NEXMIF: variants seen among roughly 807,000 people sequenced by gnomAD.
NEXMIF encodes the protein XLMR protein related to neurite extension.
Under a neutral mutation model 62.1 loss-of-function variants are expected in NEXMIF, and 8 were observed. The observed-to-expected ratio is 0.13, with a 90% CI of 0.08 to 0.23. The LOEUF is 0.23. NEXMIF is among the 10% of genes least tolerant of loss of function. The pLI is 1.00. For missense variants in NEXMIF, 976 were observed against 1,113.3 expected, an observed-to-expected ratio of 0.88 and a Z score of 1.75; for synonymous variants, 404 against 416.6, an observed-to-expected ratio of 0.97 and a Z score of 0.37.
chrX:74,759,544 C>G (rs1236568276), intron 1 of NEXMIF, among the ~76,000 whole-genome samples: 1 of 112,029 alleles, frequency 8.9e-6, no homozygotes, highest in Non-Finnish European at 1.9e-5. Context: ...GTCTTTAATT[C>G]ATCTTCAGTT....
At chrX:74,857,082 G>T (rs374949369) in intron 1 of NEXMIF, among the ~76,000 whole-genome samples, 1 of 111,932 alleles carries the variant, frequency 8.9e-6, no homozygotes, top group Non-Finnish European at 1.9e-5. Flanking sequence ...TTTGAAAGGC[G>T]GTCTAGGACA....
intron 1 of NEXMIF, among the ~76,000 whole-genome samples, chrX:74,912,426 T>C (rs2072548516): frequency 8.9e-6 from 1 of 112,044 alleles, no homozygotes; most frequent in Non-Finnish European, 1.9e-5. Flanking sequence ...ACTTTCCCTC[T>C]ACTCAAATAG....
chrX:74,819,908 T>C (rs1467985863), intron 1 of NEXMIF, among the ~76,000 whole-genome samples: 2 of 111,893 alleles, frequency 1.8e-5, no homozygotes, highest in Admixed American at 1.9e-4. Flanking sequence ...TGCGGCACTG[T>C]TCACAATAGC....
chrX:74,827,744 C>A (rs1396765604), intron 1 of NEXMIF, among the ~76,000 whole-genome samples: 1 of 111,608 alleles, frequency 9.0e-6, no homozygotes, highest in African/African-American at 3.3e-5. Context: ...TAAACATGAA[C>A]TTGAAGTTGG....
At chrX:74,752,704 C>T (rs927934327) in intron 1 of NEXMIF, among the ~76,000 whole-genome samples, 1 of 111,669 alleles carries the variant, frequency 9.0e-6, no homozygotes, top group Non-Finnish European at 1.9e-5. Context: ...AATAGCCAGC[C>T]TCCTCACTAG....
chrX:74,863,232 C>G (rs1376223969), intron 1 of NEXMIF, among the ~76,000 whole-genome samples: 1 of 108,206 alleles, frequency 9.2e-6, no homozygotes, highest in Non-Finnish European at 1.9e-5. Context: ...ACTAGAGAAC[C>G]AAGAGCAAAC....
At chrX:74,865,913 C>T (rs2080577318) in intron 1 of NEXMIF, among the ~76,000 whole-genome samples, 1 of 111,627 alleles carries the variant, frequency 9.0e-6, no homozygotes, top group Non-Finnish European at 1.9e-5. Context: ...CAGAAGTTTG[C>T]TGCCGGGGTG....
intron 1 of NEXMIF, among the ~76,000 whole-genome samples, chrX:74,776,742 A>AAAC (rs2080229860): frequency 1.8e-5 from 2 of 108,469 alleles, no homozygotes; most frequent in Admixed American, 2.0e-4. Context: ...AAAAAAAAAA[A>AAAC]AAACAAACAA....
chrX:74,745,425 A>G (rs1057153473), intron 2 of NEXMIF, 147 bp downstream of exon 2: 18 of 459,962 alleles, frequency 3.9e-5, no homozygotes, highest in Non-Finnish European at 6.5e-5. Context: ...CAAGTTAGAT[A>G]TTTGGTGGAA....
intron 1 of NEXMIF, among the ~76,000 whole-genome samples, chrX:74,869,694 TAAAG>T (rs754228924): frequency 1.3e-4 from 14 of 111,554 alleles, no homozygotes; most frequent in African/African-American, 4.2e-4. Context: ...GAAAATGAAA[TAAAG>T]AAAATAATTC....
At chrX:74,818,007 A>G (rs2080381436) in intron 1 of NEXMIF, among the ~76,000 whole-genome samples, 2 of 111,449 alleles carry the variant, frequency 1.8e-5, no homozygotes. Flanking sequence ...AGAAGACTCA[A>G]TAATGTTAAA....
intron 1 of NEXMIF, among the ~76,000 whole-genome samples, chrX:74,794,737 T>A (rs764620996): frequency 2.7e-5 from 3 of 111,654 alleles, no homozygotes; most frequent in South Asian, 7.6e-4. Context: ...TGGCCCGATT[T>A]TCCAGGTGCC....
intron 1 of NEXMIF, among the ~76,000 whole-genome samples, chrX:74,898,937 T>A (rs905857663): frequency 1.8e-5 from 2 of 111,467 alleles, no homozygotes; most frequent in African/African-American, 6.5e-5. Flanking sequence ...GAAAGACTTG[T>A]ACACAGAAAA....
chrX:74,919,417 C>T (rs1249142683), intron 1 of NEXMIF, among the ~76,000 whole-genome samples: 2 of 111,022 alleles, frequency 1.8e-5, no homozygotes, highest in Non-Finnish European at 3.8e-5. Context: ...AATCACCTCC[C>T]CAAATTGAGA....
chrX:74,884,730 A>C (rs1298135357), intron 1 of NEXMIF, among the ~76,000 whole-genome samples: 1 of 111,710 alleles, frequency 9.0e-6, no homozygotes, highest in Non-Finnish European at 1.9e-5. Context: ...AACATTAGAC[A>C]AATCAATGTG....
chrX:74,746,321 A>T (rs760623958), intron 1 of NEXMIF, among the ~76,000 whole-genome samples: 4 of 112,181 alleles, frequency 3.6e-5, no homozygotes, highest in South Asian at 3.7e-4. Context: ...GCAAATTTTT[A>T]AAAAATGTGA....
At chrX:74,779,394 C>T (rs1395542671) in intron 1 of NEXMIF, among the ~76,000 whole-genome samples, 4 of 111,970 alleles carry the variant, frequency 3.6e-5, no homozygotes, top group Middle Eastern at 4.6e-3. Flanking sequence ...CTAATTCACC[C>T]TGCATGCTGC....
intron 1 of NEXMIF, among the ~76,000 whole-genome samples, chrX:74,853,847 T>C (rs952373158): frequency 9.0e-6 from 1 of 111,032 alleles, no homozygotes; most frequent in South Asian, 3.7e-4. Context: ...AAAAAATAAA[T>C]TCCTGGACCC....
chrX:74,795,543 G>A (rs759750683), intron 1 of NEXMIF, among the ~76,000 whole-genome samples: 4 of 111,726 alleles, frequency 3.6e-5, no homozygotes, highest in Non-Finnish European at 7.5e-5. Context: ...TGGGGGAACT[G>A]GTTGATAACA....
Sources: gnomAD v4.1 joint callset for allele counts (sites outside exome capture counted in the v4.1 genomes callset) on GRCh38, gnomAD v4.1.1 for gene constraint, MANE v1.5 for transcripts, NCBI Gene and HGNC (gene_info 2026-07-23, HGNC 2026-07-21) for gene names.